Variants in MAPK9 observed in about 807,000 individuals in gnomAD.
MAPK9 encodes the protein Jun kinase.
In MAPK9, 30 loss-of-function variants were observed where a neutral mutation model predicts 57.1. The ratio of observed to expected loss-of-function variants is 0.53; its 90% CI spans 0.39 to 0.71. MAPK9 has a LOEUF of 0.71. Among genes scored for constraint, MAPK9 ranks in the 30% least tolerant of loss-of-function variants. The pLI is 0.00. For synonymous variants in MAPK9, 155 were observed against 177.0 expected (o/e 0.88, Z 0.99); for missense variants, 362 against 521.0 (o/e 0.69, Z 2.97).
At chr5:180,289,776 C>T (rs1158655302) in intron 1 of MAPK9, among the ~76,000 whole-genome samples, 1 of 152,150 alleles carries the variant, frequency 6.6e-6, no homozygotes, top group Admixed American at 6.5e-5. Flanking sequence ...CTGAATGAAT[C>T]TGTATTTGGC....
intron 5 of MAPK9, chr5:180,257,628 G>A (rs1182601037): frequency 6.6e-6 from 1 of 152,250 alleles, no homozygotes; most frequent in Non-Finnish European, 1.5e-5. Flanking sequence ...GTCACCCTGT[G>A]ACCTTGGAGA....
rs1323663455 is a variant in MAPK9, at chr5:180,269,382, T to C, written c.150A>G (p.Ile50Met). The change falls in exon 3 of 12, where the codon ATA (isoleucine) becomes ATG (methionine). Residue 50 changes from isoleucine to methionine, a missense_variant. By Grantham distance (10) the Ile-to-Met change is conservative. Coordinates refer to ENST00000452135, the MANE Select transcript of MAPK9 (RefSeq NM_002752.5). ...VCAAFDTVLG[I>M]NVAVKKLSRP... is the part of the protein sequence containing the mutation. ...GGCTTAGTTTCTTGACTGCAACATT[T>C]ATCCCAAGAACTGTATCAAATGCAG... The C allele has an allele frequency of 6.2e-6, 10 of 1,614,022 alleles. No homozygotes were observed. Among genetic ancestry groups the C allele is most frequent in the Admixed American group, 1.7e-5 (1 of 60,012 alleles).
chr5:180,254,996 T>C (rs529629273), intron 5 of MAPK9, among the ~76,000 whole-genome samples: 2 of 152,222 alleles, frequency 1.3e-5, no homozygotes, highest in East Asian at 1.9e-4. Context: ...ACCATGCCAC[T>C]GCACTCCAGC....
At chr5:180,242,444 C>T (rs1437937082) in intron 8 of MAPK9, 129 bp downstream of exon 8, 11 of 789,704 alleles carry the variant, frequency 1.4e-5, no homozygotes, top group Non-Finnish European at 2.0e-5. Flanking sequence ...TCAGTGCCTT[C>T]GTACCTCAGA....
intron 9 of MAPK9, 150 bp downstream of exon 9, chr5:180,240,881 G>C (rs1757585993): frequency 1.0e-6 from 1 of 959,070 alleles, no homozygotes; most frequent in African/African-American, 1.7e-5. Context: ...AAGCGACCCA[G>C]GTCTCAGACA....
intron 1 of MAPK9, among the ~76,000 whole-genome samples, chr5:180,291,409 G>A (rs566035356): frequency 1.3e-5 from 2 of 152,344 alleles, no homozygotes; most frequent in African/African-American, 2.4e-5. Context: ...TCCTGCCCAG[G>A]CGTCTGCATA....
At chr5:180,264,618 A>G (rs1425200243) in intron 4 of MAPK9, among the ~76,000 whole-genome samples, 163 bp downstream of exon 4, 2 of 152,244 alleles carry the variant, frequency 1.3e-5, no homozygotes, top group Admixed American at 1.3e-4. Flanking sequence ...ATTAAATATA[A>G]CTATCAAATT....
chr5:180,238,433 A>T lies in MAPK9; in HGVS notation c.1061-30T>A, dbSNP rs1757362269. The T allele has an allele frequency of 2.7e-6, 4 of 1,476,202 alleles. No homozygotes were observed. In the African/African-American group the frequency reaches 4.2e-5, roughly 15 times the overall value. 91.4% of individuals were successfully genotyped at this position (1,476,202 alleles called of 1,614,324 possible). A position where few individuals can be genotyped will look rare whatever the true frequency, so the allele number is the denominator to read the frequency against. On this transcript the variant is annotated intron_variant, in intron 10 of 11. Coordinates refer to ENST00000452135, the MANE Select transcript of MAPK9 (RefSeq NM_002752.5). ...AATAAAAATACAAGTTAAAATGCTT[A>T]ATCAGTTTCTAAACAGTTTCACTGT...
chr5:180,257,961 G>C (rs1245777551), intron 5 of MAPK9: 2 of 157,244 alleles, frequency 1.3e-5, no homozygotes, highest in South Asian at 2.0e-4. Flanking sequence ...AGAAACGTGG[G>C]GTGAAGCCAT....
chr5:180,269,232 A>G (rs780801286), intron 3 of MAPK9, 48 bp downstream of exon 3: 1 of 1,579,264 alleles, frequency 6.3e-7, no homozygotes, highest in East Asian at 2.2e-5. Context: ...AGATTACCAC[A>G]TTATTGACAA....
At chr5:180,243,870 C>CA (rs981584224) in intron 7 of MAPK9, among the ~76,000 whole-genome samples, 5 of 152,270 alleles carry the variant, frequency 3.3e-5, no homozygotes, top group East Asian at 1.9e-4. Context: ...TAAATAAAGA[C>CA]AGAGTCTCGC....
In MAPK9 at chr5:180,236,348, T is replaced by C. The variant is rs1217413733; in HGVS notation, c.*36A>G. The C allele has an allele frequency of 8.9e-6, 14 of 1,570,554 alleles. No individual in the cohort carries two copies. Among genetic ancestry groups the C allele is most frequent in the Non-Finnish European group, 1.1e-5 (13 of 1,151,142 alleles). On this transcript the variant is annotated 3_prime_UTR_variant, in exon 12 of 12. Transcript: ENST00000452135. ...ATTTCAGGCCCACGGAGGTGAGAGTTCCTTCAATGCTGACAGGTTTGCTAT... is the reference window on the plus strand; with the variant it reads ...ATTTCAGGCCCACGGAGGTGAGAGTCCCTTCAATGCTGACAGGTTTGCTAT...
Position 180,277,576 on chromosome 5 carries a change from G to A in MAPK9, c.122+2864C>T, listed in dbSNP as rs34021630. 6.4e-3 allele frequency among the ~76,000 whole-genome samples: 979 copies of A among 152,296 alleles called. 19 individuals are homozygous for A. Among genetic ancestry groups the A allele is most frequent in the Admixed American group, 0.043 (653 of 15,296 alleles). ...ATATACAAATTCCAGGGATTAGGACGTGGACATCTCAGGCGGGACCATTAT... is the reference window on the plus strand; with the variant it reads ...ATATACAAATTCCAGGGATTAGGACATGGACATCTCAGGCGGGACCATTAT... On this transcript the variant is annotated intron_variant, in intron 2 of 11. Transcript: ENST00000452135.
At chr5:180,285,948 C>A (rs1160041992) in intron 1 of MAPK9, among the ~76,000 whole-genome samples, 7 of 150,038 alleles carry the variant, frequency 4.7e-5, no homozygotes, top group Admixed American at 1.3e-4. Context: ...GGTGTGGTGG[C>A]GGGCGCCTGT....
At chr5:180,256,146 T>A (rs1344201139) in intron 5 of MAPK9, among the ~76,000 whole-genome samples, 1 of 152,204 alleles carries the variant, frequency 6.6e-6, no homozygotes, top group African/African-American at 2.4e-5. Flanking sequence ...CATCTCCAGG[T>A]GCTAACAGAG....
At chr5:180,246,215 C>G in intron 7 of MAPK9, 1 of 152,000 alleles carries the variant, frequency 6.6e-6, no homozygotes, top group East Asian at 1.9e-4. Context: ...TTCAACTTTT[C>G]CCTTTTTAAT....
Position 180,284,151 on chromosome 5 carries a change from G to A in MAPK9, c.-47-3543C>T, listed in dbSNP as rs562400978. On this transcript the variant is annotated intron_variant, in intron 1 of 11. Coordinates refer to ENST00000452135, the MANE Select transcript of MAPK9 (RefSeq NM_002752.5). ...TATTGAGATGATATTTCAACAAAAT[G>A]GACCATCAACTGGGGCTCAGAAAAC... Among the ~76,000 whole-genome samples the A allele has an allele frequency of 2.6e-5, 4 of 152,254 alleles. No homozygotes were observed. In the East Asian group the frequency reaches 7.7e-4, roughly 29 times the overall value.
In MAPK9 at chr5:180,247,725, A is replaced by T; in HGVS notation, c.617-215T>A. 9.1e-7 allele frequency: 1 copy of T among 1,096,596 alleles called. No homozygotes were observed. The allele number at this position is 1,096,596 out of a possible 1,614,324, so 67.9% of individuals were successfully genotyped here. A position where few individuals can be genotyped will look rare whatever the true frequency, so the allele number is the denominator to read the frequency against. ...TTAGTGCCAAAGAGTCCAATACTTT[A>T]TAGCTTAAAACAAACAAACAAACAA... On this transcript the variant is annotated intron_variant, in intron 6 of 11. Transcript: ENST00000452135. The surrounding 1 kb of genome is among the most constrained non-coding windows in gnomAD (Gnocchi z 4.5).
intron 3 of MAPK9, among the ~76,000 whole-genome samples, chr5:180,266,061 G>GA (rs906709625): frequency 1.1e-4 from 15 of 134,132 alleles, no homozygotes; most frequent in African/African-American, 2.5e-4. Flanking sequence ...ATGTCAAATG[G>GA]AAAAAAAAAA....
Sources: gnomAD v4.1 joint callset for allele counts (sites outside exome capture counted in the v4.1 genomes callset) on GRCh38, gnomAD v4.1.1 for gene constraint, Gnocchi (gnomAD v3.1) non-coding constraint, MANE v1.5 for transcripts, NCBI Gene and HGNC (gene_info 2026-07-23, HGNC 2026-07-21) for gene names.